Variants in MAMDC2 observed in about 807,000 individuals in gnomAD.
The protein encoded by MAMDC2 is MAM domain containing 2.
A neutral mutation model predicts 89.8 loss-of-function variants in MAMDC2; 57 were observed. That is an observed-to-expected ratio of 0.63 (90% CI 0.51 to 0.79). The LOEUF (loss-of-function observed/expected upper bound fraction) is 0.79, where lower values mean the gene tolerates loss of function less well. Ranked by LOEUF, MAMDC2 falls within the 30% of genes least tolerant of loss-of-function variation. The pLI is 0.00. For missense variants in MAMDC2, 800 were observed against 820.6 expected (o/e 0.97, Z 0.31); for synonymous variants, 313 against 293.4 (o/e 1.07, Z -0.68).
Position 70,140,275 on chromosome 9 carries a change from C to T in MAMDC2, c.1125C>T (p.His375=), listed in dbSNP as rs1271434024. The T allele has an allele frequency of 1.9e-6, 3 of 1,600,732 alleles. No individual in the cohort carries two copies. The highest frequency in any genetic ancestry group is 2.3e-5 in the South Asian group (2 of 88,148). Residue 375 remains histidine, a synonymous_variant, in exon 8 of 14, where the codon CAC becomes CAT. Transcript: ENST00000377182. ...CAAACATGTATCGGGCTGGAGACCA[C>T]ACTACAGGCTTAGGTAAATCAGAGA... ...VKPNMYRAGD[H]TTGLGYYLLA...
intron 2 of MAMDC2, among the ~76,000 whole-genome samples, chr9:70,052,521 C>T (rs1826934212): frequency 6.6e-6 from 1 of 152,106 alleles, no homozygotes; most frequent in African/African-American, 2.4e-5. Flanking sequence ...AGATGAAAAC[C>T]CTCCCTTCCC....
At chr9:70,207,755 A>G (rs2033257563) in intron 11 of MAMDC2, among the ~76,000 whole-genome samples, 1 of 152,134 alleles carries the variant, frequency 6.6e-6, no homozygotes. Context: ...TAGGGTTTTT[A>G]TGGTTTTAGG....
intron 9 of MAMDC2, among the ~76,000 whole-genome samples, chr9:70,165,812 A>C (rs1481652807): frequency 6.6e-6 from 1 of 152,220 alleles, no homozygotes; most frequent in Non-Finnish European, 1.5e-5. Flanking sequence ...TGAATACATG[A>C]ATTTTTAATT....
intron 2 of MAMDC2, among the ~76,000 whole-genome samples, chr9:70,051,878 TAGATAGATAG>T (rs1826906095): frequency 9.3e-6 from 1 of 107,490 alleles, no homozygotes; most frequent in South Asian, 3.3e-4. Context: ...TTTACCTATC[TAGATAGATAG>T]AGATAGATAG....
chr9:70,081,827 G>A (rs970240355), intron 2 of MAMDC2: 4 of 150,254 alleles, frequency 2.7e-5, no homozygotes, highest in Admixed American at 2.6e-4. Context: ...TCCACTAAGC[G>A]AAAGAAATTT....
At chr9:70,148,901 C>T (rs1190364843) in intron 9 of MAMDC2, among the ~76,000 whole-genome samples, 1 of 149,206 alleles carries the variant, frequency 6.7e-6, no homozygotes, top group African/African-American at 2.5e-5. Context: ...TGGTGGCAAG[C>T]ACCTGTAGTC....
At chr9:70,136,016 T>G (rs1325952960) in intron 7 of MAMDC2, among the ~76,000 whole-genome samples, 1 of 152,068 alleles carries the variant, frequency 6.6e-6, no homozygotes, top group African/African-American at 2.4e-5. Flanking sequence ...CCAGGCATGG[T>G]GGTGCATGCC....
Position 70,226,271 on chromosome 9 carries a change from A to T in MAMDC2, c.*239A>T. 2 of 292,898 alleles carry T rather than the reference A, an allele frequency of 6.8e-6. No homozygotes were observed. Among genetic ancestry groups the T allele is most frequent in the Non-Finnish European group, 1.3e-5 (2 of 157,958 alleles). 18.1% of individuals were successfully genotyped at this position (292,898 alleles called of 1,614,324 possible). A position where few individuals can be genotyped will look rare whatever the true frequency, so the allele number is the denominator to read the frequency against. ...TGGTTTTGCATAGATCATTCATCTT[A>T]ATTTTGGTACCAGTTAAAAATACAA... On this transcript the variant is annotated 3_prime_UTR_variant, in exon 14 of 14. Transcript: ENST00000377182.
intron 12 of MAMDC2, among the ~76,000 whole-genome samples, chr9:70,219,687 C>T (rs2033522135): frequency 1.3e-5 from 2 of 152,180 alleles, no homozygotes; most frequent in Non-Finnish European, 2.9e-5. Flanking sequence ...GGCCCATTAT[C>T]CCAACATGGA....
At position 70,117,892 on chromosome 9, in the gene MAMDC2, A is replaced by G. The variant is rs73451411; in HGVS notation, c.643+4760A>G. ...TATCTGAATACCAAAATGCTACATA[A>G]ACTTGCAAGCATGCACAGTAATGTA... is the stretch of plus-strand genomic sequence containing the variant. On this transcript the variant is annotated intron_variant, in intron 5 of 13. Transcript: ENST00000377182. Among the ~76,000 whole-genome samples the G allele has an allele frequency of 7.1e-4, 108 of 152,350 alleles. 1 individual carries two copies. The highest frequency in any genetic ancestry group is 1.8e-3 in the African/African-American group (75 of 41,580).
chr9:70,170,864 G>A (rs781176202), intron 11 of MAMDC2: 2 of 412,130 alleles, frequency 4.9e-6, no homozygotes, highest in Non-Finnish European at 4.2e-6. Context: ...GGCTTACAAA[G>A]TTCTGCACAC....
chr9:70,049,376 GTTA>G (rs1826837262), intron 2 of MAMDC2, among the ~76,000 whole-genome samples: 1 of 152,042 alleles, frequency 6.6e-6, no homozygotes, highest in African/African-American at 2.4e-5. Context: ...TCATGTGCCA[GTTA>G]TTATTAACAG....
chr9:70,129,382 C>A (rs1486048355), intron 6 of MAMDC2, among the ~76,000 whole-genome samples: 1 of 152,134 alleles, frequency 6.6e-6, no homozygotes, highest in Non-Finnish European at 1.5e-5. Context: ...GCCTCCCCAG[C>A]CACATGGAAC....
At chr9:70,120,878 G>T (rs1022856532) in intron 5 of MAMDC2, among the ~76,000 whole-genome samples, 1 of 152,196 alleles carries the variant, frequency 6.6e-6, no homozygotes, top group Admixed American at 6.5e-5. Flanking sequence ...TCATAGGGTG[G>T]AAAAACATGC....
At chr9:70,149,975 G>C (rs1462171498) in intron 9 of MAMDC2, among the ~76,000 whole-genome samples, 1 of 152,164 alleles carries the variant, frequency 6.6e-6, no homozygotes, top group Non-Finnish European at 1.5e-5. Context: ...GCTGGGAGAC[G>C]TTCCTGTGAC....
At chr9:70,106,781 G>A (rs1243429049) in intron 2 of MAMDC2, among the ~76,000 whole-genome samples, 1 of 152,176 alleles carries the variant, frequency 6.6e-6, no homozygotes, top group Non-Finnish European at 1.5e-5. Context: ...GCCAGGAAGA[G>A]TTAGATCTTG....
intron 11 of MAMDC2, among the ~76,000 whole-genome samples, chr9:70,205,358 A>G (rs1037402123): frequency 1.3e-5 from 2 of 152,184 alleles, no homozygotes; most frequent in African/African-American, 4.8e-5. Context: ...AAATCACTTA[A>G]AAGTATAGTA....
rs551360962 is a variant in MAMDC2 at position 70,044,383 on chromosome 9, G to C, written c.34+152G>C. ...GCCGCTAACTCCCTCCCCTGGCCAA[G>C]CCTGGGGTGGGGGTGGGGGTGGGCG... On this transcript the variant is annotated intron_variant, in intron 1 of 13. Coordinates refer to ENST00000377182, the MANE Select transcript of MAMDC2 (RefSeq NM_153267.5). 13 of 865,054 alleles carry C rather than the reference G, an allele frequency of 1.5e-5. No individual in the cohort carries two copies. In the East Asian group the frequency reaches 3.8e-4, roughly 25 times the overall value. The allele number at this position is 865,054 out of a possible 1,614,324, so 53.6% of individuals were successfully genotyped here.
At chr9:70,148,193 A>G (rs1315701537) in intron 9 of MAMDC2, 1 of 149,784 alleles carries the variant, frequency 6.7e-6, no homozygotes, top group Non-Finnish European at 1.5e-5. Context: ...GCTCTCTCCT[A>G]CCTTAGATTA....
Sources: gnomAD v4.1 joint callset for allele counts (sites outside exome capture counted in the v4.1 genomes callset) on GRCh38, gnomAD v4.1.1 for gene constraint, MANE v1.5 for transcripts, NCBI Gene and HGNC (gene_info 2026-07-23, HGNC 2026-07-21) for gene names.